UNC80: variants seen among roughly 807,000 people sequenced by gnomAD.
UNC80 encodes the protein unc-80 subunit of NALCN channel complex, also known as protein unc-80 homolog.
A neutral mutation model predicts 384.6 loss-of-function variants in UNC80; 164 were observed. The ratio of observed to expected loss-of-function variants is 0.43; its 90% CI spans 0.38 to 0.49. The LOEUF (loss-of-function observed/expected upper bound fraction) is 0.49. UNC80 is among the 20% of genes least tolerant of loss of function. UNC80 has a pLI of 0.00. For synonymous variants in UNC80, 1,486 were observed against 1,527.8 expected (o/e 0.97, Z 0.64); for missense variants, 3,330 against 4,143.0 (o/e 0.80, Z 5.39).
Position 209,952,050 on chromosome 2 carries a change from A to G in UNC80, c.7287-2050A>G, listed in dbSNP as rs115328508. 1.0e-2 allele frequency among the ~76,000 whole-genome samples: 1,521 copies of G among 152,274 alleles called. 15 individuals are homozygous for G. Among genetic ancestry groups the G allele is most frequent in the Non-Finnish European group, 0.017 (1,143 of 68,006 alleles). ...TCAGTTCTAGAATTTCCACTTTTTT[A>G]ATAGATTTCAGAGTTTTGATGAAAT... On this transcript the variant is annotated intron_variant, in intron 47 of 64. Coordinates refer to ENST00000673920, the MANE Select transcript of UNC80 (RefSeq NM_001371986.1).
intron 36 of UNC80, among the ~76,000 whole-genome samples, 189 bp downstream of exon 36, chr2:209,927,175 C>T (rs1246790530): frequency 6.6e-6 from 1 of 152,186 alleles, no homozygotes; most frequent in Non-Finnish European, 1.5e-5. Context: ...CTCCCTCTAC[C>T]TTTATGGCCA....
At chr2:209,866,483 T>TGC (rs1425041308) in intron 22 of UNC80, among the ~76,000 whole-genome samples, 9 of 53,196 alleles carry the variant, frequency 1.7e-4, no homozygotes, top group South Asian at 1.6e-3. Flanking sequence ...TAATACAAAA[T>TGC]GCACCCCCAC....
At chr2:209,985,752 C>G (rs1191383198) in intron 61 of UNC80, among the ~76,000 whole-genome samples, 1 of 152,168 alleles carries the variant, frequency 6.6e-6, no homozygotes, top group Non-Finnish European at 1.5e-5. Flanking sequence ...TGTGCCATCT[C>G]AAGAGATAAC....
chr2:209,959,095 G>A (rs1214094458), intron 49 of UNC80, 24 bp from the exon 50 acceptor site: 1 of 1,551,242 alleles, frequency 6.4e-7, no homozygotes, highest in Admixed American at 2.0e-5. Context: ...TAATAGTTAT[G>A]TAGACTGTTT....
chr2:209,787,601 G>C (rs1010474805), intron 5 of UNC80, among the ~76,000 whole-genome samples: 1 of 152,140 alleles, frequency 6.6e-6, no homozygotes, highest in Non-Finnish European at 1.5e-5. Flanking sequence ...AAAAACTCCT[G>C]TCACCTAGTG....
rs1318074598 is a variant in UNC80, at chr2:209,819,236, A to G, written c.1937A>G (p.His646Arg). The change falls in exon 12 of 65, where the codon CAC becomes CGC. Residue 646 changes from histidine (H) to arginine (R), a missense_variant. Physicochemically the swap from His to Arg is conservative, Grantham distance 29. This residue lies in a region of UNC80 where 937 missense variants were observed against 1,026.8 expected (regional missense o/e 0.91). Transcript: ENST00000673920. ...ATTGACGGGACCAATAACTTTGTCC[A>G]CAAGAATGGAATGCTTGATCTTTCT... The part of the protein sequence containing the change: ...EHIDGTNNFV[H>R]KNGMLDLSVV... The G allele has an allele frequency of 6.4e-7, 1 of 1,550,976 alleles. No individual in the cohort carries two copies. Among genetic ancestry groups the G allele is most frequent in the Non-Finnish European group, 8.7e-7 (1 of 1,146,576 alleles).
chr2:209,942,855 TACACACAC>T (rs10584249), intron 44 of UNC80, among the ~76,000 whole-genome samples: 1 of 145,680 alleles, frequency 6.9e-6, no homozygotes, highest in African/African-American at 2.6e-5. Context: ...CACTCTTTCC[TACACACAC>T]ACACACACAC....
intron 21 of UNC80, among the ~76,000 whole-genome samples, chr2:209,847,316 T>C (rs145352279): frequency 0.015 from 2,298 of 151,776 alleles, 23 homozygotes; most frequent in Middle Eastern, 0.024. Context: ...TTATAAAATA[T>C]TTCATACAGT....
At chr2:209,794,787 C>T (rs1182252361) in intron 7 of UNC80, 1 of 454,786 alleles carries the variant, frequency 2.2e-6, no homozygotes, top group East Asian at 7.1e-5. Flanking sequence ...TTGCCACCAC[C>T]ATATAAGAAG....
intron 7 of UNC80, among the ~76,000 whole-genome samples, chr2:209,803,550 A>G (rs1234464370): frequency 6.6e-6 from 1 of 152,158 alleles, no homozygotes; most frequent in Admixed American, 6.5e-5. Flanking sequence ...TCATATATTC[A>G]TTTATTTCTA....
intron 61 of UNC80, among the ~76,000 whole-genome samples, chr2:209,989,709 T>C (rs2093357188): frequency 6.6e-6 from 1 of 152,178 alleles, no homozygotes; most frequent in Admixed American, 6.5e-5. Context: ...TTGCACATCT[T>C]ATAGTCATAC....
At chr2:209,830,185 A>G (rs549300639) in intron 15 of UNC80, among the ~76,000 whole-genome samples, 18 of 152,234 alleles carry the variant, frequency 1.2e-4, no homozygotes, top group Non-Finnish European at 2.2e-4. Context: ...TGATTAGTTT[A>G]TAATGAAAAT....
chr2:209,774,089 C>G (rs1160054972), intron 2 of UNC80, among the ~76,000 whole-genome samples: 1 of 152,130 alleles, frequency 6.6e-6, no homozygotes, highest in Non-Finnish European at 1.5e-5. Flanking sequence ...TATTGCCATG[C>G]ATATTTACAA....
At chr2:209,876,878 A>C (rs1011097964) in intron 23 of UNC80, among the ~76,000 whole-genome samples, 1 of 152,186 alleles carries the variant, frequency 6.6e-6, no homozygotes, top group African/African-American at 2.4e-5. Flanking sequence ...CGGTTTCCAG[A>C]TATCTAAGAC....
chr2:209,809,005 C>G, intron 7 of UNC80: 1 of 344,146 alleles, frequency 2.9e-6, no homozygotes, highest in African/African-American at 2.2e-5. Flanking sequence ...CAGGGCCTCC[C>G]TCCAACTGAG....
chr2:209,872,066 G>A lies in UNC80; in HGVS notation c.3628-692G>A, dbSNP rs12694191. On this transcript the variant is annotated intron_variant, in intron 22 of 64. Transcript: ENST00000673920. The surrounding 1 kb of genome is among the most constrained non-coding windows in gnomAD (Gnocchi z 4.1). The stretch of plus-strand genomic sequence containing the variant: ...CTCCCAGGCTGGAGTGCAGTGGCGC[G>A]ATCTCAGCTAACTGCAACTTACACC... Among the ~76,000 whole-genome samples, 26,474 of 151,664 alleles carry A rather than the reference G, an allele frequency of 0.17. 3,207 individuals carry two copies. The highest frequency in any genetic ancestry group is 0.34 in the African/African-American group (13,997 of 41,328).
rs117931015 is a variant in UNC80 at position 209,800,251 on chromosome 2, A to G, written c.938+6392A>G. ...CAATTTCAGAGCTTGCTATTGGGCT[A>G]TTCGGGGATTCAAATTCTTCCTGGT... On this transcript the variant is annotated intron_variant, in intron 7 of 64. Coordinates refer to ENST00000673920, the MANE Select transcript of UNC80 (RefSeq NM_001371986.1). 8.5e-5 allele frequency among the ~76,000 whole-genome samples: 13 copies of G among 152,244 alleles called. No individual in the cohort carries two copies. In the East Asian group the frequency reaches 2.3e-3, roughly 27 times the overall value.
intron 7 of UNC80, among the ~76,000 whole-genome samples, chr2:209,810,419 T>C (rs1161702475): frequency 1.3e-5 from 2 of 152,212 alleles, no homozygotes; most frequent in Non-Finnish European, 2.9e-5. Context: ...AAGCAATTTG[T>C]GTATTTTTTA....
At chr2:209,825,794 GTGCT>G in intron 13 of UNC80, 109 bp from the exon 14 acceptor site, 3 of 975,196 alleles carry the variant, frequency 3.1e-6, no homozygotes, top group Non-Finnish European at 4.1e-6. Flanking sequence ...CAAATTGCAG[GTGCT>G]CCCTGTAAAA....
Sources: gnomAD v4.1 joint callset for allele counts (sites outside exome capture counted in the v4.1 genomes callset) on GRCh38, gnomAD v4.1.1 for gene constraint, gnomAD v4.1.1 regional missense constraint, Gnocchi (gnomAD v3.1) non-coding constraint, MANE v1.5 for transcripts, NCBI Gene and HGNC (gene_info 2026-07-23, HGNC 2026-07-21) for gene names.